Variants in RPH3AL observed in about 807,000 individuals in gnomAD.
The protein encoded by RPH3AL is rabphilin 3A like (without C2 domains).
In RPH3AL, 38 loss-of-function variants were observed where a neutral mutation model predicts 43.1. That is an observed-to-expected ratio of 0.88 (90% confidence interval 0.68 to 1.15). The LOEUF (loss-of-function observed/expected upper bound fraction) is 1.15. Among genes scored for constraint, RPH3AL ranks in the 50% most tolerant of loss-of-function variants. The pLI, the probability that RPH3AL is intolerant of heterozygous loss-of-function variation, is 0.00. For synonymous variants in RPH3AL, 189 were observed against 176.3 expected, an observed-to-expected ratio of 1.07 and a Z score of -0.57; for missense variants, 462 against 423.2, an observed-to-expected ratio of 1.09 and a Z score of -0.81.
intron 6 of RPH3AL, among the ~76,000 whole-genome samples, chr17:250,058 G>A (rs564427488): frequency 6.3e-5 from 5 of 79,214 alleles, no homozygotes; most frequent in Non-Finnish European, 1.0e-4. Context: ...CGGGACCTCT[G>A]GGAGCCTTTA....
rs192414930 is a variant in RPH3AL, at chr17:325,647, G to A, written c.77+1820C>T. On this transcript the variant is annotated intron_variant, in intron 3 of 9. Coordinates refer to ENST00000331302, the MANE Select transcript of RPH3AL (RefSeq NM_006987.4). ...CACGTCCCCACCGCCTGTTATCACCGTCAAAGCAACTTACCTGGGTAACTA... is the reference window on the plus strand; with the variant it reads ...CACGTCCCCACCGCCTGTTATCACCATCAAAGCAACTTACCTGGGTAACTA... 3.3e-3 allele frequency among the ~76,000 whole-genome samples: 501 copies of A among 152,260 alleles called. 4 individuals are homozygous for A. Among genetic ancestry groups the A allele is most frequent in the African/African-American group, 0.012 (486 of 41,556 alleles).
chr17:233,081 AGTGGGGATGCTGGGTGGGTCTG>A (rs2097399000), intron 7 of RPH3AL, among the ~76,000 whole-genome samples: 1 of 151,626 alleles, frequency 6.6e-6, no homozygotes, highest in Admixed American at 6.6e-5. Flanking sequence ...ATCAAAGCAT[AGTGGGGATGCTGGGTGGGTCTG>A]ACGGGATTTC....
rs2040898499 is a variant in RPH3AL, at chr17:219,506, C to T, written c.727+117G>A. 7.9e-6 allele frequency: 3 copies of T among 377,670 alleles called. No individual in the cohort carries two copies. The Admixed American group carries it at 1.2e-4, about 15-fold the overall frequency. 23.4% of individuals were successfully genotyped at this position (377,670 alleles called of 1,614,324 possible). A position where few individuals can be genotyped will look rare whatever the true frequency, so the allele number is the denominator to read the frequency against. ...GCCACTGTGCCCGGCCTAATAGTTTCATTTCTTTTCTTTTTCTTCCTTTTT... is the reference window on the plus strand; with the variant it reads ...GCCACTGTGCCCGGCCTAATAGTTTTATTTCTTTTCTTTTTCTTCCTTTTT... On this transcript the variant is annotated intron_variant, in intron 8 of 9. Transcript: ENST00000331302.
rs1431228823 is a variant in RPH3AL, at chr17:225,084, G to A, written c.614-5348C>T. Among the ~76,000 whole-genome samples the A allele has an allele frequency of 2.0e-5, 3 of 149,376 alleles. No homozygotes were observed. The highest frequency in any genetic ancestry group is 6.7e-5 in the Admixed American group (1 of 14,864). On this transcript the variant is annotated intron_variant, in intron 7 of 9. Transcript: ENST00000331302. The surrounding 1 kb of genome is among the most constrained non-coding windows in gnomAD (Gnocchi z 4.4). ...CAGATGTAACAAACCTGCACGTTAT[G>A]CACATGTACCCTAGAACTTAAAATA... is the stretch of plus-strand genomic sequence containing the variant.
chr17:278,933 C>T (rs1025321499), intron 6 of RPH3AL, among the ~76,000 whole-genome samples: 1 of 152,038 alleles, frequency 6.6e-6, no homozygotes, highest in African/African-American at 2.4e-5. Context: ...TCAACTCGCT[C>T]CAGAAAAAAT....
chr17:226,883 A>G (rs890003090), intron 7 of RPH3AL, among the ~76,000 whole-genome samples: 1 of 152,146 alleles, frequency 6.6e-6, no homozygotes, highest in Non-Finnish European at 1.5e-5. Context: ...CTGAAGGCTG[A>G]TACATTTTTT....
chr17:283,028 C>T lies in RPH3AL; in HGVS notation c.352-1174G>A, dbSNP rs966335260. On this transcript the variant is annotated intron_variant, in intron 5 of 9. Transcript: ENST00000331302. This position sits in a 1 kb window ranked among gnomAD's most constrained non-coding sequence, Gnocchi z 4.2. ...GGAGGCAGAGGTGGATGTGTTGGGG[C>T]TGAGACCGGCTCCAGGCTAACCCAG... 6.6e-6 allele frequency among the ~76,000 whole-genome samples: 1 copy of T among 152,176 alleles called. No individual in the cohort carries two copies. The highest frequency in any genetic ancestry group is 1.5e-5 in the Non-Finnish European group (1 of 68,040).
rs2044482147 is a variant in RPH3AL at position 321,650 on chromosome 17, G to GCAA, written c.78-236_78-235insTTG. 1.7e-5 allele frequency: 8 copies of GCAA among 467,854 alleles called. No homozygotes were observed. In the South Asian group the frequency reaches 2.8e-4, roughly 16 times the overall value. 29.0% of individuals were successfully genotyped at this position (467,854 alleles called of 1,614,324 possible). On this transcript the variant is annotated intron_variant, in intron 3 of 9. Coordinates refer to ENST00000331302, the MANE Select transcript of RPH3AL (RefSeq NM_006987.4). ...GGCCCAGGTTCCGTGTGCCGGGGTT[G>GCAA]GGATTGCGGGCAACAGAGACGGGGC...
chr17:219,927 G>A (rs1001229023), intron 7 of RPH3AL, among the ~76,000 whole-genome samples, 191 bp from the exon 8 acceptor site: 1 of 152,172 alleles, frequency 6.6e-6, no homozygotes, highest in Non-Finnish European at 1.5e-5. Context: ...GCACAAAGAG[G>A]GGAGTCCTGA....
intron 7 of RPH3AL, among the ~76,000 whole-genome samples, chr17:232,887 T>TGTGTGTGTGTGTGTG (rs1567568845): frequency 7.8e-6 from 1 of 128,896 alleles, no homozygotes. Context: ...TGTGTGTGTG[T>TGTGTGTGTGTGTGTG]TGGCTTCTAT....
intron 6 of RPH3AL, among the ~76,000 whole-genome samples, chr17:269,448 T>C (rs904035431): frequency 9.9e-5 from 15 of 152,234 alleles, no homozygotes; most frequent in Non-Finnish European, 1.9e-4. Context: ...GTTGCTGTTT[T>C]CCAAGGGCCT....
intron 3 of RPH3AL, chr17:321,714 A>T (rs776278091): frequency 5.6e-6 from 2 of 358,850 alleles, no homozygotes; most frequent in African/African-American, 2.1e-5. Flanking sequence ...TGGGCAACAG[A>T]GACGGCCCAG....
intron 5 of RPH3AL, among the ~76,000 whole-genome samples, chr17:295,467 GA>G (rs1469099824): frequency 3.0e-5 from 2 of 66,540 alleles, no homozygotes; most frequent in Non-Finnish European, 6.6e-5. Context: ...GAAATGGATG[GA>G]CAGAGGGAAT....
chr17:222,254 A>G (rs1270717866), intron 7 of RPH3AL, among the ~76,000 whole-genome samples: 1 of 152,256 alleles, frequency 6.6e-6, no homozygotes, highest in Non-Finnish European at 1.5e-5. Context: ...CACAGGCAAG[A>G]AAACGGGGGC....
At chr17:291,883 C>A (rs756601189) in intron 5 of RPH3AL, among the ~76,000 whole-genome samples, 2 of 152,190 alleles carry the variant, frequency 1.3e-5, no homozygotes, top group Non-Finnish European at 2.9e-5. Flanking sequence ...TCTATATATA[C>A]ACAGAGGACA....
At chr17:252,412 T>TA (rs1555542904) in intron 6 of RPH3AL, among the ~76,000 whole-genome samples, 1 of 152,214 alleles carries the variant, frequency 6.6e-6, no homozygotes, top group African/African-American at 2.4e-5. Flanking sequence ...TGAATTTTCT[T>TA]ACACCATTGC....
chr17:314,020 C>A (rs1171159063), intron 5 of RPH3AL, among the ~76,000 whole-genome samples: 1 of 152,204 alleles, frequency 6.6e-6, no homozygotes, highest in East Asian at 1.9e-4. Context: ...ACAGAAACGC[C>A]CGGACCAGCC....
intron 4 of RPH3AL, 113 bp from the exon 5 acceptor site, chr17:319,662 T>C (rs1014666843): frequency 6.1e-6 from 8 of 1,303,742 alleles, no homozygotes; most frequent in Non-Finnish European, 8.4e-6. Flanking sequence ...TGGGATATTG[T>C]TCCTTGCCCC....
intron 6 of RPH3AL, among the ~76,000 whole-genome samples, chr17:253,386 C>A (rs1265812069): frequency 1.3e-5 from 2 of 152,180 alleles, no homozygotes; most frequent in Non-Finnish European, 2.9e-5. Context: ...CATTCCCGCA[C>A]ACTGTGGGGC....
Sources: allele counts gnomAD v4.1 joint callset (sites outside exome capture counted in the v4.1 genomes callset), GRCh38; gene constraint gnomAD v4.1.1; non-coding constraint Gnocchi (gnomAD v3.1); transcripts MANE v1.5; gene names NCBI Gene and HGNC (gene_info 2026-07-23, HGNC 2026-07-21).